The following AFDN variants were observed in gnomAD, a reference collection of about 807,000 sequenced individuals.
AFDN encodes afadin.
In AFDN, 68 loss-of-function variants were observed where a neutral mutation model predicts 216.6. That is an observed-to-expected ratio of 0.31 (90% CI 0.26 to 0.38). AFDN has a LOEUF of 0.38. AFDN is among the 10% of genes least tolerant of loss of function. The pLI is 1.00. For synonymous variants in AFDN, 868 were observed against 853.7 expected (o/e 1.02, Z -0.29); for missense variants, 2,136 against 2,342.0 (o/e 0.91, Z 1.82).
intron 23 of AFDN, among the ~76,000 whole-genome samples, chr6:167,942,825 G>A (rs1794855084): frequency 6.6e-6 from 1 of 152,148 alleles, no homozygotes; most frequent in Non-Finnish European, 1.5e-5. Flanking sequence ...GTTGCTTTTT[G>A]TATTAAAATG....
chr6:167,926,631 T>C (rs1207520122), intron 23 of AFDN, among the ~76,000 whole-genome samples: 1 of 152,172 alleles, frequency 6.6e-6, no homozygotes, highest in African/African-American at 2.4e-5. Flanking sequence ...AGGGTCTCGC[T>C]ATGCTGCCCA....
rs995588685 is a variant in AFDN at position 167,970,443 on chromosome 6, A to C, written c.*508A>C. 1 of 220,742 alleles carries C rather than the reference A, an allele frequency of 4.5e-6. No homozygotes were observed. The highest frequency in any genetic ancestry group is 2.2e-5 in the African/African-American group (1 of 44,642). 13.7% of individuals were successfully genotyped at this position (220,742 alleles called of 1,614,324 possible). A position where few individuals can be genotyped will look rare whatever the true frequency, so the allele number is the denominator to read the frequency against. ...TACCCGGGAAGGAACATATGACGAC[A>C]TGCTCCTCCCATGTCCCCTGATGGT... On this transcript the variant is annotated 3_prime_UTR_variant, in exon 34 of 34. Transcript: ENST00000683244.
chr6:167,967,757 T>G (rs994726475), intron 32 of AFDN, among the ~76,000 whole-genome samples: 1 of 152,162 alleles, frequency 6.6e-6, no homozygotes, highest in Non-Finnish European at 1.5e-5. Flanking sequence ...TTCTTCGTAA[T>G]GTACAGAGCC....
At chr6:167,877,957 C>T (rs1785592103) in intron 5 of AFDN, among the ~76,000 whole-genome samples, 1 of 152,100 alleles carries the variant, frequency 6.6e-6, no homozygotes, top group Non-Finnish European at 1.5e-5. Context: ...GTGTTTTTGA[C>T]ACTCAGTTAT....
chr6:167,864,329 T>G (rs2128227435), intron 1 of AFDN: 1 of 736,384 alleles, frequency 1.4e-6, no homozygotes, highest in Non-Finnish European at 2.5e-6. Context: ...CAGCCATTAT[T>G]TCATACGTGA....
intron 12 of AFDN, among the ~76,000 whole-genome samples, chr6:167,905,599 C>T (rs1026797655): frequency 6.6e-6 from 1 of 152,092 alleles, no homozygotes; most frequent in African/African-American, 2.4e-5. Flanking sequence ...TCTCCACACA[C>T]ACCTTTCTTG....
At chr6:167,906,142 G>A (rs1307420812) in intron 12 of AFDN, among the ~76,000 whole-genome samples, 4 of 152,100 alleles carry the variant, frequency 2.6e-5, no homozygotes, top group African/African-American at 9.7e-5. Flanking sequence ...AGGATTCATT[G>A]GGTGTGTATA....
At chr6:167,868,153 C>T (rs923015759) in intron 2 of AFDN, among the ~76,000 whole-genome samples, 1 of 152,140 alleles carries the variant, frequency 6.6e-6, no homozygotes, top group Non-Finnish European at 1.5e-5. Context: ...TGTACTGCCT[C>T]ATCTAGTGTT....
Position 167,880,408 on chromosome 6 carries a change from A to G in AFDN, c.788A>G (p.Tyr263Cys). ...YADSLKPNIP[Y>C]KTILLSTTDP... ...GATAGTTTAAAACCAAATATTCCCTACAAGACAATCCTGCTGTCTACTACA... is the reference window on the plus strand; with the variant it reads ...GATAGTTTAAAACCAAATATTCCCTGCAAGACAATCCTGCTGTCTACTACA... The change falls in exon 6 of 34, where the codon TAC becomes TGC. Residue 263 changes from tyrosine to cysteine, a missense_variant. Physicochemically the swap from Tyr to Cys is radical, Grantham distance 194. Coordinates refer to ENST00000683244, the MANE Select transcript of AFDN (RefSeq NM_001386888.1). 8 of 1,613,782 alleles carry G rather than the reference A, an allele frequency of 5.0e-6. No homozygotes were observed. Among genetic ancestry groups the G allele is most frequent in the African/African-American group, 1.3e-5 (1 of 75,042 alleles).
intron 2 of AFDN, among the ~76,000 whole-genome samples, chr6:167,868,742 T>G (rs554479284): frequency 1.3e-5 from 2 of 151,242 alleles, no homozygotes; most frequent in East Asian, 3.9e-4. Flanking sequence ...GAGTTTTTAC[T>G]ATCATCAGCA....
At chr6:167,953,898 T>C (rs913577202) in intron 30 of AFDN, among the ~76,000 whole-genome samples, 1 of 152,242 alleles carries the variant, frequency 6.6e-6, no homozygotes, top group Admixed American at 6.5e-5. Flanking sequence ...CAACTCTGAA[T>C]ATACAACTGT....
In AFDN at chr6:167,917,131, A is replaced by C; in HGVS notation, c.2608A>C (p.Ile870Leu). 6.2e-7 allele frequency: 1 copy of C among 1,613,532 alleles called. No homozygotes were observed. Among genetic ancestry groups the C allele is most frequent in the African/African-American group, 1.3e-5 (1 of 75,026 alleles). ...LTMDKYAPDD[I>L]PNINSTCFKL... ...CATGGATAAGTATGCACCTGATGAC[A>C]TTCCAAATATAAACAGCACCTGCTT... Residue 870 changes from isoleucine (I) to leucine (L), a missense_variant, in exon 20 of 34, where the codon ATT (isoleucine) becomes CTT (leucine). Physicochemically the swap from Ile to Leu is conservative, Grantham distance 5. Coordinates refer to ENST00000683244, the MANE Select transcript of AFDN (RefSeq NM_001386888.1).
At position 167,951,972 on chromosome 6, in the gene AFDN, G is replaced by T. The variant is rs1161535911; in HGVS notation, c.4618G>T (p.Val1540Leu). 1 of 1,614,218 alleles carries T rather than the reference G, an allele frequency of 6.2e-7. No homozygotes were observed. Among genetic ancestry groups the T allele is most frequent in the East Asian group, 2.2e-5 (1 of 44,876 alleles). ...GGAGAAGCAGCAGCAGATGCACATC[G>T]TGGACATGCTGAGCAAGGAGATCCA... Reference protein sequence around the residue: ...KLEKQQQMHIVDMLSKEIQEL... With the variant: ...KLEKQQQMHILDMLSKEIQEL... The change falls in exon 30 of 34, where the codon GTG (valine) becomes TTG (leucine). Residue 1540 changes from valine (V) to leucine (L), a missense_variant. Val to Leu is a conservative substitution (Grantham distance 32). Around this residue, in one of 8 missense-constraint regions of AFDN, gnomAD observed 981 missense variants for 966.0 expected, o/e 1.02. Coordinates refer to ENST00000683244, the MANE Select transcript of AFDN (RefSeq NM_001386888.1). This position sits in a 1 kb window ranked among gnomAD's most constrained non-coding sequence, Gnocchi z 7.1.
intron 7 of AFDN, among the ~76,000 whole-genome samples, chr6:167,890,020 C>T (rs1319795391): frequency 6.6e-6 from 1 of 152,218 alleles, no homozygotes; most frequent in Admixed American, 6.5e-5. Context: ...CTTATTATTT[C>T]AAAGCAGTCT....
intron 29 of AFDN, among the ~76,000 whole-genome samples, chr6:167,949,574 A>G (rs1795729282): frequency 6.6e-6 from 1 of 152,208 alleles, no homozygotes; most frequent in African/African-American, 2.4e-5. Context: ...GCAACGGCCC[A>G]GTCTTGGGAG....
chr6:167,946,242 T>C (rs753584930), intron 26 of AFDN, among the ~76,000 whole-genome samples: 1 of 152,310 alleles, frequency 6.6e-6, no homozygotes, highest in East Asian at 1.9e-4. Context: ...AAGCTGTGAA[T>C]AGTAGATGAT....
At chr6:167,956,114 CAAAAAAAAAAAAA>C (rs59521151) in intron 30 of AFDN, among the ~76,000 whole-genome samples, 10 of 41,302 alleles carry the variant, frequency 2.4e-4, no homozygotes, top group African/African-American at 7.2e-4. Flanking sequence ...GACTTTGGCT[CAAAAAAAAAAAAA>C]AAAAAAAAAA....
At chr6:167,835,317 T>C (rs1294489636) in intron 1 of AFDN, among the ~76,000 whole-genome samples, 1 of 152,230 alleles carries the variant, frequency 6.6e-6, no homozygotes, top group Non-Finnish European at 1.5e-5. Context: ...GCGTTATTCA[T>C]TTTTGACAAA....
chr6:167,830,377 C>T (rs1164665539), intron 1 of AFDN, among the ~76,000 whole-genome samples: 1 of 152,168 alleles, frequency 6.6e-6, no homozygotes, highest in African/African-American at 2.4e-5. Flanking sequence ...CTGTATCTTG[C>T]ATGGTAGGAG....
Sources: gnomAD v4.1 joint callset for allele counts (sites outside exome capture counted in the v4.1 genomes callset) on GRCh38, gnomAD v4.1.1 for gene constraint, gnomAD v4.1.1 regional missense constraint, Gnocchi (gnomAD v3.1) non-coding constraint, MANE v1.5 for transcripts, NCBI Gene and HGNC (gene_info 2026-07-23, HGNC 2026-07-21) for gene names.